Variants in MYH11 observed in about 807,000 individuals in gnomAD.
MYH11 encodes myosin heavy chain 11, also known as myosin-11.
Under a neutral mutation model 246.6 loss-of-function variants are expected in MYH11, and 80 were observed. That is an observed-to-expected ratio of 0.32 (90% CI 0.27 to 0.39). MYH11 has a LOEUF of 0.39. Among genes scored for constraint, MYH11 ranks in the 10% least tolerant of loss-of-function variants. MYH11 has a pLI of 1.00. For synonymous variants in MYH11, 1,071 were observed against 1,015.5 expected, an observed-to-expected ratio of 1.05 and a Z score of -1.04; for missense variants, 2,158 against 2,546.8, an observed-to-expected ratio of 0.85 and a Z score of 3.29.
At chr16:15,786,122 C>A in intron 5 of MYH11, 1 of 310,942 alleles carries the variant, frequency 3.2e-6, no homozygotes. Flanking sequence ...TGGGACGTTA[C>A]AGAGATTCAT....
chr16:15,834,910 A>AGTT (rs1181264358), intron 2 of MYH11, among the ~76,000 whole-genome samples: 2 of 80,032 alleles, frequency 2.5e-5, no homozygotes, highest in Non-Finnish European at 4.9e-5. Flanking sequence ...TCTCTACAGA[A>AGTT]GTTTTTTTTT....
At chr16:15,782,724 CT>C (rs1236878309) in intron 5 of MYH11, 14 of 495,436 alleles carry the variant, frequency 2.8e-5, no homozygotes, top group Non-Finnish European at 4.8e-5. Context: ...AGACCAGGGC[CT>C]GCTCATCTGT....
chr16:15,786,398 C>T, intron 5 of MYH11: 1 of 727,090 alleles, frequency 1.4e-6, no homozygotes, highest in South Asian at 1.4e-5. Flanking sequence ...GGCTTATTCT[C>T]ATTTCACAAA....
At position 15,708,817 on chromosome 16, in the gene MYH11, C is replaced by G. The variant is rs373899395; in HGVS notation, c.5787-4694G>C. 2.5e-6 allele frequency: 4 copies of G among 1,608,956 alleles called. No individual in the cohort carries two copies. Among genetic ancestry groups the G allele is most frequent in the African/African-American group, 1.3e-5 (1 of 74,870 alleles). ...AGGCATGATACCTGGTGCATCACTG[C>G]GAAGTTTCCTGTGGGGGGGGCCCTC... On this transcript the variant is annotated intron_variant, in intron 40 of 40. Coordinates refer to ENST00000300036, the MANE Select transcript of MYH11 (RefSeq NM_002474.3).
At chr16:15,821,904 G>T (rs1029895926) in intron 3 of MYH11, among the ~76,000 whole-genome samples, 1 of 111,124 alleles carries the variant, frequency 9.0e-6, no homozygotes, top group Non-Finnish European at 2.0e-5. Flanking sequence ...CGGCCTGGGC[G>T]ACAGAGCGAG....
intron 12 of MYH11, among the ~76,000 whole-genome samples, chr16:15,758,431 A>T (rs2041786961): frequency 1.3e-5 from 2 of 152,122 alleles, no homozygotes; most frequent in African/African-American, 4.8e-5. Flanking sequence ...GCACTTAGGG[A>T]GGCCAAGGCG....
intron 3 of MYH11, among the ~76,000 whole-genome samples, chr16:15,803,123 C>T (rs1162940932): frequency 6.6e-6 from 1 of 151,440 alleles, no homozygotes; most frequent in African/African-American, 2.4e-5. Flanking sequence ...GGCAACAGAG[C>T]AAGACCCCAT....
rs999891260 is a variant in MYH11, at chr16:15,741,684, T to G, written c.2653-15A>C. ...TCCTCGGTCAGCTGCACGCAGGTGG[T>G]GGGGAGGAGGCGGGTGAGCCCCACG... On this transcript the variant is annotated splice_polypyrimidine_tract_variant and intron_variant, in intron 21 of 40. Coordinates refer to ENST00000300036, the MANE Select transcript of MYH11 (RefSeq NM_002474.3). 2 of 1,613,984 alleles carry G rather than the reference T, an allele frequency of 1.2e-6. No individual in the cohort carries two copies. Among genetic ancestry groups the G allele is most frequent in the African/African-American group, 2.7e-5 (2 of 75,048 alleles).
intron 40 of MYH11, among the ~76,000 whole-genome samples, chr16:15,706,726 CTGA>C (rs1387578536): frequency 6.6e-6 from 1 of 151,892 alleles, no homozygotes; most frequent in Admixed American, 6.6e-5. Flanking sequence ...AAAAAAAAAT[CTGA>C]TGAGCTGGGA....
At chr16:15,847,229 AC>A (rs1218826233) in intron 1 of MYH11, among the ~76,000 whole-genome samples, 1 of 149,834 alleles carries the variant, frequency 6.7e-6, no homozygotes, top group African/African-American at 2.4e-5. Context: ...AAGCACTATG[AC>A]AAGTAAAGTG....
At chr16:15,825,980 T>C (rs986329022) in intron 2 of MYH11, among the ~76,000 whole-genome samples, 1 of 152,046 alleles carries the variant, frequency 6.6e-6, no homozygotes, top group Non-Finnish European at 1.5e-5. Context: ...CAGTTACAGC[T>C]AGGGTGAACC....
At chr16:15,855,785 T>C (rs1286920480) in intron 1 of MYH11, among the ~76,000 whole-genome samples, 1 of 152,214 alleles carries the variant, frequency 6.6e-6, no homozygotes, top group Non-Finnish European at 1.5e-5. Flanking sequence ...TAAAATAGTA[T>C]CGTTGAGTAA....
intron 5 of MYH11, chr16:15,782,759 C>T (rs2042385793): frequency 4.5e-6 from 2 of 441,006 alleles, no homozygotes; most frequent in African/African-American, 4.0e-5. Flanking sequence ...CACTCAAAGC[C>T]ACTGCCTTGC....
At chr16:15,784,073 G>A (rs541516289) in intron 5 of MYH11, among the ~76,000 whole-genome samples, 5 of 152,232 alleles carry the variant, frequency 3.3e-5, no homozygotes, top group South Asian at 2.1e-4. Flanking sequence ...TATGCGTTGC[G>A]TAGCTGGGGC....
chr16:15,730,369 TAAAAAAAAAAA>T (rs746923275), intron 27 of MYH11, among the ~76,000 whole-genome samples: 2 of 97,238 alleles, frequency 2.1e-5, no homozygotes, highest in African/African-American at 6.7e-5. Context: ...CCATCTCTAC[TAAAAAAAAAAA>T]AAAAAAAAAA....
chr16:15,776,775 A>T (rs1302966397), intron 7 of MYH11, among the ~76,000 whole-genome samples: 1 of 152,180 alleles, frequency 6.6e-6, no homozygotes, highest in African/African-American at 2.4e-5. Flanking sequence ...GACCGTAAAC[A>T]CGCCACACTA....
chr16:15,734,124 G>T (rs184884627), intron 26 of MYH11, among the ~76,000 whole-genome samples: 114 of 152,300 alleles, frequency 7.5e-4, no homozygotes, highest in African/African-American at 2.6e-3. Flanking sequence ...TTGTTCATTT[G>T]AAGTGAATCT....
At chr16:15,731,577 T>C (rs1216004402) in intron 27 of MYH11, among the ~76,000 whole-genome samples, 1 of 151,968 alleles carries the variant, frequency 6.6e-6, no homozygotes, top group African/African-American at 2.4e-5. Flanking sequence ...CTGCAACCTC[T>C]TCCTCCTGGG....
At chr16:15,724,535 T>TG (rs886051743) in intron 30 of MYH11, 112 bp downstream of exon 30, 61 of 1,606,892 alleles carry the variant, frequency 3.8e-5, no homozygotes, top group Admixed American at 5.0e-5. Flanking sequence ...CAGGGGAAGC[T>TG]GGGGGGTCAA....
Sources: allele counts gnomAD v4.1 joint callset (sites outside exome capture counted in the v4.1 genomes callset), GRCh38; gene constraint gnomAD v4.1.1; transcripts MANE v1.5; gene names NCBI Gene and HGNC (gene_info 2026-07-23, HGNC 2026-07-21).